Variants in EMSY observed in about 807,000 individuals in gnomAD.
EMSY encodes the protein BRCA2-interacting transcriptional repressor EMSY.
A neutral mutation model predicts 134.6 loss-of-function variants in EMSY; 26 were observed. The observed-to-expected ratio is 0.19, with a 90% confidence interval of 0.14 to 0.27. The LOEUF is 0.27. Ranked by LOEUF, EMSY falls within the 10% of genes least tolerant of loss-of-function variation. The pLI is 1.00. For synonymous variants in EMSY, 579 were observed against 577.8 expected, an observed-to-expected ratio of 1.00 and a Z score of -0.03; for missense variants, 1,305 against 1,611.4, an observed-to-expected ratio of 0.81 and a Z score of 3.26.
At chr11:76,450,259 T>C (rs986437708) in intron 2 of EMSY, among the ~76,000 whole-genome samples, 1 of 152,188 alleles carries the variant, frequency 6.6e-6, no homozygotes, top group African/African-American at 2.4e-5. Context: ...CATAAACATT[T>C]AGAGTATACT....
intron 6 of EMSY, 98 bp from the exon 8 acceptor site, chr11:76,463,723 C>T (rs972477608): frequency 2.8e-5 from 38 of 1,350,100 alleles, no homozygotes; most frequent in Non-Finnish European, 3.4e-5. Context: ...TGGCTTAAGA[C>T]AGAGAGAGGA....
intron 3 of EMSY, 62 bp downstream of exon 3, chr11:76,452,019 A>G (rs1026578228): frequency 8.5e-6 from 9 of 1,064,944 alleles, no homozygotes; most frequent in Non-Finnish European, 1.2e-5. Context: ...TTTATTACTT[A>G]TCACTCTCAA....
chr11:76,474,553 A>G (rs1262894058), intron 8 of EMSY, among the ~76,000 whole-genome samples: 1 of 152,198 alleles, frequency 6.6e-6, no homozygotes, highest in Non-Finnish European at 1.5e-5. Flanking sequence ...ATAGATATGG[A>G]TGCAGTCAGT....
chr11:76,484,880 T>C (rs906020057), intron 8 of EMSY, among the ~76,000 whole-genome samples: 1 of 150,620 alleles, frequency 6.6e-6, no homozygotes, highest in Non-Finnish European at 1.5e-5. Flanking sequence ...GTAGTGGAGA[T>C]TGCGCCATTG....
chr11:76,474,799 T>C (rs1369288163), intron 8 of EMSY, among the ~76,000 whole-genome samples: 1 of 152,226 alleles, frequency 6.6e-6, no homozygotes, highest in Non-Finnish European at 1.5e-5. Context: ...AGTCTCCCTC[T>C]GTCGCCCAGG....
intron 9 of EMSY, among the ~76,000 whole-genome samples, chr11:76,511,700 AAATAAT>A (rs1011180940): frequency 6.6e-6 from 1 of 152,048 alleles, no homozygotes; most frequent in Non-Finnish European, 1.5e-5. Flanking sequence ...CTCCATCTCA[AAATAAT>A]AATAATAATA....
chr11:76,445,718 G>T (rs956383992), intron 1 of EMSY, among the ~76,000 whole-genome samples: 1 of 152,184 alleles, frequency 6.6e-6, no homozygotes, highest in Non-Finnish European at 1.5e-5. Flanking sequence ...GGACGCGCCG[G>T]GATGCCGTGA....
exon 19 of EMSY, chr11:76,544,639 G>A (rs2136765509): frequency 6.2e-7 from 1 of 1,614,006 alleles, no homozygotes; most frequent in Non-Finnish European, 8.5e-7. Flanking sequence ...CCAAAGACAG[G>A]CAGCTTCCTA....
At chr11:76,531,737 A>G (rs1590992360) in intron 14 of EMSY, among the ~76,000 whole-genome samples, 1 of 152,178 alleles carries the variant, frequency 6.6e-6, no homozygotes, top group Admixed American at 6.5e-5. Context: ...TTTAGCATCC[A>G]TAGATGATTT....
intron 14 of EMSY, among the ~76,000 whole-genome samples, chr11:76,529,607 A>C (rs1035520825): frequency 1.3e-5 from 2 of 152,202 alleles, no homozygotes; most frequent in Non-Finnish European, 2.9e-5. Flanking sequence ...CTAGTATAAG[A>C]ATTTTATTAG....
intron 3 of EMSY, among the ~76,000 whole-genome samples, 157 bp from the exon 4 acceptor site, chr11:76,453,157 G>A (rs1947734720): frequency 1.3e-5 from 2 of 152,136 alleles, no homozygotes; most frequent in Non-Finnish European, 2.9e-5. Context: ...AGATGTTAAA[G>A]CATTTGAAGA....
At chr11:76,489,229 T>C (rs1949314824) in intron 8 of EMSY, among the ~76,000 whole-genome samples, 1 of 152,110 alleles carries the variant, frequency 6.6e-6, no homozygotes, top group Non-Finnish European at 1.5e-5. Flanking sequence ...ATTTAATAAA[T>C]GGTTTTAGAA....
intron 1 of EMSY, among the ~76,000 whole-genome samples, chr11:76,446,003 A>G (rs981292079): frequency 6.6e-6 from 1 of 152,112 alleles, no homozygotes; most frequent in Non-Finnish European, 1.5e-5. Context: ...AACGGGATAT[A>G]GCAGTTATTT....
At chr11:76,476,223 A>G (rs915554302) in intron 8 of EMSY, among the ~76,000 whole-genome samples, 1 of 152,182 alleles carries the variant, frequency 6.6e-6, no homozygotes, top group Non-Finnish European at 1.5e-5. Flanking sequence ...GTGGTGGTGT[A>G]TGCTTCTTGT....
chr11:76,505,877 T>A (rs902932173), intron 9 of EMSY, among the ~76,000 whole-genome samples: 11 of 144,494 alleles, frequency 7.6e-5, no homozygotes, highest in African/African-American at 2.6e-4. Flanking sequence ...GAAAAAAAAA[T>A]TTCAGGCCGA....
rs772898188 is a variant in EMSY, at chr11:76,550,047, G to A, written c.3870G>A (p.Gln1290=). ...AGCTAAACAACTTCACTAGTCAACA[G>A]CTGGATGATGAGGAGACAGCAATGG... The change falls in exon 21 of 21, where the codon CAG becomes CAA. Residue 1290 remains glutamine, a synonymous_variant. Transcript: ENST00000334736. The A allele has an allele frequency of 1.4e-5, 22 of 1,613,784 alleles. No individual in the cohort carries two copies. In the South Asian group the frequency reaches 2.3e-4, roughly 17 times the overall value.
At chr11:76,459,963 C>T (rs372186650) in exon 6 of EMSY, 224 of 1,614,178 alleles carry the variant, frequency 1.4e-4, no homozygotes, top group Non-Finnish European at 1.8e-4. Flanking sequence ...ACAAGTACCA[C>T]GTCAACCCCA....
intron 8 of EMSY, among the ~76,000 whole-genome samples, chr11:76,475,027 G>T (rs1268777465): frequency 6.6e-6 from 1 of 152,104 alleles, no homozygotes; most frequent in Non-Finnish European, 1.5e-5. Context: ...GCCTACCAAG[G>T]TGCTGGGATT....
intron 11 of EMSY, among the ~76,000 whole-genome samples, chr11:76,518,171 T>C (rs536711128): frequency 1.6e-4 from 24 of 148,824 alleles, no homozygotes; most frequent in African/African-American, 4.4e-4. Context: ...TACTTTCTTT[T>C]TTTTTTTTTT....
Sources: gnomAD v4.1 joint callset for allele counts (sites outside exome capture counted in the v4.1 genomes callset) on GRCh38, gnomAD v4.1.1 for gene constraint, MANE v1.5 for transcripts, NCBI Gene and HGNC (gene_info 2026-07-23, HGNC 2026-07-21) for gene names.